The following MROH1 variants were observed in gnomAD, a reference collection of about 807,000 sequenced individuals.
MROH1 encodes the protein maestro heat-like repeat-containing protein family member 1.
MROH1 carries 117 observed loss-of-function variants against 116.5 expected under a neutral mutation model. That is an observed-to-expected ratio of 1.00 (90% CI 0.86 to 1.17). The LOEUF (loss-of-function observed/expected upper bound fraction) is 1.17. Ranked by LOEUF, MROH1 falls within the 50% of genes most tolerant of loss-of-function variation. The pLI, the probability that MROH1 is intolerant of heterozygous loss-of-function variation, is 0.00. For synonymous variants in MROH1, 921 were observed against 583.9 expected, an observed-to-expected ratio of 1.58 and a Z score of -8.32; for missense variants, 1,873 against 1,338.5, an observed-to-expected ratio of 1.40 and a Z score of -6.23.
intron 14 of MROH1, among the ~76,000 whole-genome samples, chr8:144,232,595 G>A (rs1178060843): frequency 6.6e-6 from 1 of 151,774 alleles, no homozygotes; most frequent in East Asian, 1.9e-4. Context: ...CCGGGTTCAT[G>A]CCATTCTCCT....
rs61011280 is a variant in MROH1 at position 144,177,967 on chromosome 8, CT to C, written c.169-1475del. ...TACCCAGTCTCCGGTATTTCTTCTT[CT>C]TTTTTTTTTTTTCTTTGAGACAGTC... On this transcript the variant is annotated intron_variant, in intron 4 of 43. Coordinates refer to ENST00000326134, the MANE Select transcript of MROH1 (RefSeq NM_032450.3). Among the ~76,000 whole-genome samples, 666 of 143,852 alleles carry C rather than the reference CT, an allele frequency of 4.6e-3. 6 individuals carry two copies. The highest frequency in any genetic ancestry group is 0.016 in the African/African-American group (621 of 39,212). The allele number at this position is 143,852 out of a possible 152,430, so 94.4% of individuals were successfully genotyped here. A position where few individuals can be genotyped will look rare whatever the true frequency, so the allele number is the denominator to read the frequency against.
intron 29 of MROH1, among the ~76,000 whole-genome samples, chr8:144,246,260 C>A (rs1426184496): frequency 1.3e-5 from 2 of 151,740 alleles, no homozygotes; most frequent in Non-Finnish European, 2.9e-5. Context: ...AGGCGCCCAC[C>A]ACCACTGCCG....
Position 144,254,867 on chromosome 8 carries a change from G to T in MROH1, c.3483G>T (p.Gln1161His). ...CGGTGGAGCCTCGCCTAGCTGCCCA[G>T]GTCCTGGGGCTGCTGCTGGAGAAGA... ...ALAVEPRLAA[Q>H]VLGLLLEKMS... The change falls in exon 34 of 44, where the codon CAG (glutamine) becomes CAT (histidine). Residue 1161 changes from glutamine (Q) to histidine (H), a missense_variant. Physicochemically the swap from Gln to His is conservative, Grantham distance 24. Coordinates refer to ENST00000326134, the MANE Select transcript of MROH1 (RefSeq NM_032450.3). 1 of 778,056 alleles carries T rather than the reference G, an allele frequency of 1.3e-6. No homozygotes were observed. Among genetic ancestry groups the T allele is most frequent in the South Asian group, 1.3e-5 (1 of 74,518 alleles). The allele number at this position is 778,056 out of a possible 1,614,324, so 48.2% of individuals were successfully genotyped here.
At chr8:144,194,583 C>G (rs1192784975) in intron 10 of MROH1, among the ~76,000 whole-genome samples, 1 of 152,150 alleles carries the variant, frequency 6.6e-6, no homozygotes, top group Non-Finnish European at 1.5e-5. Context: ...CATTATTCAT[C>G]ACCTGTCCAC....
At chr8:144,257,878 AGT>A (rs1367760083) in intron 35 of MROH1, among the ~76,000 whole-genome samples, 11 of 152,346 alleles carry the variant, frequency 7.2e-5, no homozygotes, top group African/African-American at 2.6e-4. Flanking sequence ...CGGGGGCCTA[AGT>A]GTGAGGTGCT....
intron 14 of MROH1, among the ~76,000 whole-genome samples, chr8:144,231,880 G>GGCTT (rs2132641331): frequency 6.6e-6 from 1 of 152,238 alleles, no homozygotes; most frequent in African/African-American, 2.4e-5. Context: ...GCCCGAAATG[G>GGCTT]GCTTGCTTGC....
Position 144,180,420 on chromosome 8 carries a change from C to G in MROH1, c.464-5C>G, listed in dbSNP as rs1184572335. On this transcript the variant is annotated splice_region_variant and splice_polypyrimidine_tract_variant and intron_variant, in intron 6 of 43. Transcript: ENST00000326134. The surrounding 1 kb of genome is among the most constrained non-coding windows in gnomAD (Gnocchi z 7.4). ...GGAGGCCTTTGACGGTGTCCTCTCT[C>G]ACAGCGTTCGGCGTAGTCCCCTTCC... 7.4e-6 allele frequency: 12 copies of G among 1,612,966 alleles called. No homozygotes were observed. In the Admixed American group the frequency reaches 1.5e-4, roughly 20 times the overall value.
rs1039567897 is a variant in MROH1, at chr8:144,179,629, T to A, written c.300+43T>A. 2.7e-5 allele frequency: 43 copies of A among 1,567,854 alleles called. 1 individual carries two copies. The Middle Eastern group carries it at 1.5e-3, about 54-fold the overall frequency. On this transcript the variant is annotated intron_variant, in intron 5 of 43. Transcript: ENST00000326134. ...TGGCCTCGCAGACTCAGGCCTAGCTTGGGAAGGGAAGCTGCTTCTTGGCCT... is the reference window on the plus strand; with the variant it reads ...TGGCCTCGCAGACTCAGGCCTAGCTAGGGAAGGGAAGCTGCTTCTTGGCCT...
chr8:144,237,370 C>A (rs1705404931), intron 14 of MROH1, among the ~76,000 whole-genome samples: 1 of 152,252 alleles, frequency 6.6e-6, no homozygotes. Context: ...TGTCCTGAGG[C>A]CCTGTTGCCC....
At chr8:144,223,413 G>A (rs958771378) in intron 14 of MROH1, among the ~76,000 whole-genome samples, 183 bp downstream of exon 14, 87 of 152,218 alleles carry the variant, frequency 5.7e-4, no homozygotes, top group Middle Eastern at 6.8e-3. Flanking sequence ...GGCCCAGGCT[G>A]GAGTGCAGTG....
chr8:144,155,893 G>A lies in MROH1; in HGVS notation c.-176-5077G>A, dbSNP rs1817924816. Among the ~76,000 whole-genome samples, 3 of 151,742 alleles carry A rather than the reference G, an allele frequency of 2.0e-5. No homozygotes were observed. The East Asian group carries it at 5.9e-4, about 30-fold the overall frequency. On this transcript the variant is annotated intron_variant, in intron 1 of 43. Coordinates refer to ENST00000326134, the MANE Select transcript of MROH1 (RefSeq NM_032450.3). ...AGTGATCCATCTGCCTCAGCCTCCC[G>A]GAGTGCTGGGATTACAGGCCTGAGC...
At chr8:144,191,985 A>G in intron 9 of MROH1, 130 bp downstream of exon 9, 1 of 1,095,246 alleles carries the variant, frequency 9.1e-7, no homozygotes, top group Non-Finnish European at 1.3e-6. Flanking sequence ...GCTAAGGCTC[A>G]GTGGTGGGCT....
At chr8:144,240,045 T>C in intron 18 of MROH1, 56 bp from the exon 19 acceptor site, 1 of 749,756 alleles carries the variant, frequency 1.3e-6, no homozygotes, top group South Asian at 1.4e-5. Flanking sequence ...GGTGCTGGGC[T>C]CTGAGCCCCA....
At chr8:144,184,691 G>C (rs1826508160) in intron 7 of MROH1, among the ~76,000 whole-genome samples, 1 of 152,218 alleles carries the variant, frequency 6.6e-6, no homozygotes, top group Non-Finnish European at 1.5e-5. Flanking sequence ...GGGCAGCCCT[G>C]AGCTGGCAGA....
chr8:144,181,204 G>A (rs374119809), intron 7 of MROH1, among the ~76,000 whole-genome samples: 6 of 146,836 alleles, frequency 4.1e-5, no homozygotes, highest in African/African-American at 1.6e-4. Flanking sequence ...GTGCCCAGGG[G>A]ACCAGCCCTC....
rs900696011 is a variant in MROH1, at chr8:144,260,925, C to T, written c.4555C>T (p.Arg1519Cys). ...CCCTTAGGCCTGCAGGTTTGCCCTG[C>T]GCATGTGTGGCCCCAATCTGGCATG... is the stretch of plus-strand genomic sequence containing the variant. The part of the protein sequence containing the change: ...TVASACRFAL[R>C]MCGPNLACEE... The change falls in exon 41 of 44, where the codon CGC (arginine) becomes TGC (cysteine). Residue 1519 changes from arginine to cysteine, a missense_variant. Physicochemically the swap from Arg to Cys is radical, Grantham distance 180. Coordinates refer to ENST00000326134, the MANE Select transcript of MROH1 (RefSeq NM_032450.3). 8 of 777,408 alleles carry T rather than the reference C, an allele frequency of 1.0e-5. No homozygotes were observed. Among genetic ancestry groups the T allele is most frequent in the South Asian group, 4.0e-5 (3 of 74,548 alleles). 48.2% of individuals were successfully genotyped at this position (777,408 alleles called of 1,614,324 possible). A position where few individuals can be genotyped will look rare whatever the true frequency, so the allele number is the denominator to read the frequency against.
intron 4 of MROH1, among the ~76,000 whole-genome samples, chr8:144,170,663 T>A (rs1427618579): frequency 2.0e-5 from 3 of 152,248 alleles, no homozygotes; most frequent in Non-Finnish European, 4.4e-5. Flanking sequence ...CAGCACAGTG[T>A]CCTGGGGTAC....
intron 3 of MROH1, 65 bp from the exon 4 acceptor site, chr8:144,168,230 C>CA: frequency 6.8e-7 from 1 of 1,478,564 alleles, no homozygotes; most frequent in Non-Finnish European, 9.0e-7. Context: ...GCAGGAGTGG[C>CA]AGCCGAGGTG....
intron 8 of MROH1, 25 bp from the exon 9 acceptor site, chr8:144,191,690 C>T: frequency 1.9e-6 from 3 of 1,610,374 alleles, no homozygotes; most frequent in Non-Finnish European, 2.5e-6. Flanking sequence ...GCAGCGTAAG[C>T]TTCCCGCCCA....
Sources: allele counts gnomAD v4.1 joint callset (sites outside exome capture counted in the v4.1 genomes callset), GRCh38; gene constraint gnomAD v4.1.1; non-coding constraint Gnocchi (gnomAD v3.1); transcripts MANE v1.5; gene names NCBI Gene and HGNC (gene_info 2026-07-23, HGNC 2026-07-21).